SPINK13: variants seen among roughly 807,000 people sequenced by gnomAD.
SPINK13 encodes serine protease inhibitor Kazal-type 13.
SPINK13 carries 11 observed loss-of-function variants against 11.0 expected under a neutral mutation model. That is an observed-to-expected ratio of 1.00 (90% confidence interval 0.63 to 1.65). The LOEUF (loss-of-function observed/expected upper bound fraction) is 1.65. Ranked by LOEUF, SPINK13 falls within the 40% of genes most tolerant of loss-of-function variation. SPINK13 has a pLI of 0.00. For missense variants in SPINK13, 113 were observed against 117.7 expected (o/e 0.96, Z 0.19); for synonymous variants, 31 against 35.6 (o/e 0.87, Z 0.46).
chr5:148,272,389 T>G (rs996405021), intron 2 of SPINK13, among the ~76,000 whole-genome samples: 1 of 152,176 alleles, frequency 6.6e-6, no homozygotes, highest in African/African-American at 2.4e-5. Context: ...ATAAAAAAGT[T>G]TCAGATGATG....
At chr5:148,281,720 G>C (rs1037283275) in intron 3 of SPINK13, among the ~76,000 whole-genome samples, 3 of 152,154 alleles carry the variant, frequency 2.0e-5, no homozygotes, top group Non-Finnish European at 2.9e-5. Context: ...GACCAGAGCT[G>C]TTCCTATTCA....
intron 3 of SPINK13, among the ~76,000 whole-genome samples, chr5:148,280,375 T>C (rs1756494724): frequency 6.6e-6 from 1 of 152,214 alleles, no homozygotes; most frequent in South Asian, 2.1e-4. Context: ...TTCTGAGCTT[T>C]GAAATTTTAA....
At position 148,286,215 on chromosome 5, in the gene SPINK13, T is replaced by A. The variant is rs1313883395; in HGVS notation, c.*167T>A. 1.1e-5 allele frequency: 4 copies of A among 380,444 alleles called. 1 individual carries two copies. The highest frequency in any genetic ancestry group is 1.9e-5 in the Non-Finnish European group (4 of 209,892). The allele number at this position is 380,444 out of a possible 1,614,324, so 23.6% of individuals were successfully genotyped here. A position where few individuals can be genotyped will look rare whatever the true frequency, so the allele number is the denominator to read the frequency against. ...GAATCAAACTGACAAGAACCAAATA[T>A]CACATTTGTTACAAATAAACAACAA... On this transcript the variant is annotated 3_prime_UTR_variant, in exon 5 of 5. Transcript: ENST00000398450.
chr5:148,281,740 C>T (rs1756519520), intron 3 of SPINK13, among the ~76,000 whole-genome samples: 1 of 151,398 alleles, frequency 6.6e-6, no homozygotes, highest in South Asian at 2.1e-4. Flanking sequence ...AGCTATCTTG[C>T]CTGCAGTTTT....
intron 2 of SPINK13, among the ~76,000 whole-genome samples, chr5:148,273,826 C>T (rs1396733756): frequency 6.6e-6 from 1 of 152,100 alleles, no homozygotes; most frequent in South Asian, 2.1e-4. Context: ...AGCTAGTCAC[C>T]CTCTGTCCCA....
At chr5:148,285,897 G>A in intron 4 of SPINK13, 103 bp from the exon 5 acceptor site, 1 of 587,978 alleles carries the variant, frequency 1.7e-6, no homozygotes, top group East Asian at 3.4e-5. Flanking sequence ...TTTAAAAGCA[G>A]CTCCCTTTTC....
At chr5:148,285,874 G>C in intron 4 of SPINK13, 126 bp from the exon 5 acceptor site, 1 of 505,828 alleles carries the variant, frequency 2.0e-6, no homozygotes, top group Non-Finnish European at 3.5e-6. Flanking sequence ...AAAAAAGAAG[G>C]ATGTAAAGGG....
chr5:148,273,298 A>T (rs1288196621), intron 2 of SPINK13, among the ~76,000 whole-genome samples: 4 of 151,952 alleles, frequency 2.6e-5, no homozygotes, highest in African/African-American at 9.7e-5. Context: ...TTAAGTAAAA[A>T]AAAATGCATC....
intron 2 of SPINK13, among the ~76,000 whole-genome samples, chr5:148,271,568 A>T (rs1465802476): frequency 6.6e-6 from 1 of 152,096 alleles, no homozygotes; most frequent in Non-Finnish European, 1.5e-5. Flanking sequence ...ATTTATACAC[A>T]TCATGGAAAA....
intron 2 of SPINK13, 102 bp from the exon 3 acceptor site, chr5:148,274,245 T>C: frequency 1.4e-6 from 1 of 695,444 alleles, no homozygotes; most frequent in Non-Finnish European, 2.4e-6. Context: ...TATATTTTCA[T>C]TATTCAATTT....
chr5:148,270,169 A>G (rs1756330048), intron 2 of SPINK13, 27 bp downstream of exon 2: 2 of 1,601,440 alleles, frequency 1.2e-6, no homozygotes, highest in Non-Finnish European at 1.7e-6. Context: ...GTTTTGGGAG[A>G]TAAACTCTGA....
Position 148,277,979 on chromosome 5 carries a change from ACTT to A in SPINK13, c.108+3600_108+3602del, listed in dbSNP as rs546087654. 7.8e-4 allele frequency among the ~76,000 whole-genome samples: 118 copies of A among 152,202 alleles called. 1 individual carries two copies. The highest frequency in any genetic ancestry group is 2.8e-3 in the African/African-American group (118 of 41,512). On this transcript the variant is annotated intron_variant, in intron 3 of 4. Transcript: ENST00000398450. ...TGTTATTGGTCTATTTAGGGATTCG[ACTT>A]CTTCCTGGTTTAGTCTTGGGAGGAC... is the stretch of plus-strand genomic sequence containing the variant.
chr5:148,280,585 G>A (rs1265747191), intron 3 of SPINK13, among the ~76,000 whole-genome samples: 1 of 152,168 alleles, frequency 6.6e-6, no homozygotes, highest in African/African-American at 2.4e-5. Flanking sequence ...GTCCACTCCA[G>A]CCCCTGTCTG....
rs6887886 is a variant in SPINK13, at chr5:148,274,906, G to A, written c.108+522G>A. On this transcript the variant is annotated intron_variant, in intron 3 of 4. Coordinates refer to ENST00000398450, the MANE Select transcript of SPINK13 (RefSeq NM_001040129.3). ...TATCTTTATAGTCAAATAAGATATT[G>A]AGTAAATATATCTCTGATCATTAAG... Among the ~76,000 whole-genome samples the A allele has an allele frequency of 6.9e-3, 1,055 of 152,230 alleles. 16 individuals are homozygous for A. The highest frequency in any genetic ancestry group is 0.024 in the African/African-American group (983 of 41,528).
chr5:148,284,583 C>T (rs1266900404), intron 4 of SPINK13, among the ~76,000 whole-genome samples: 1 of 151,992 alleles, frequency 6.6e-6, no homozygotes, highest in Non-Finnish European at 1.5e-5. Context: ...TCCATATGAC[C>T]TGAATGTATA....
chr5:148,282,352 T>C (rs1756529246), intron 4 of SPINK13, 121 bp downstream of exon 4: 1 of 1,241,694 alleles, frequency 8.1e-7, no homozygotes, highest in Non-Finnish European at 1.1e-6. Context: ...ATAGCCTCAT[T>C]ATTTACAAAA....
chr5:148,278,499 C>A (rs1315195012), intron 3 of SPINK13, among the ~76,000 whole-genome samples: 1 of 152,092 alleles, frequency 6.6e-6, no homozygotes, highest in Non-Finnish European at 1.5e-5. Flanking sequence ...CAAAGAATAT[C>A]TTTATTTTTG....
chr5:148,278,410 G>A (rs1202184043), intron 3 of SPINK13, among the ~76,000 whole-genome samples: 2 of 152,206 alleles, frequency 1.3e-5, no homozygotes, highest in Non-Finnish European at 2.9e-5. Context: ...GGCATTTAGT[G>A]CTATAAATTT....
At chr5:148,278,963 T>C (rs1756472144) in intron 3 of SPINK13, among the ~76,000 whole-genome samples, 1 of 152,168 alleles carries the variant, frequency 6.6e-6, no homozygotes, top group South Asian at 2.1e-4. Flanking sequence ...TGGGTGCATA[T>C]ATATTTAGGA....
Sources: gnomAD v4.1 joint callset for allele counts (sites outside exome capture counted in the v4.1 genomes callset) on GRCh38, gnomAD v4.1.1 for gene constraint, MANE v1.5 for transcripts, NCBI Gene and HGNC (gene_info 2026-07-23, HGNC 2026-07-21) for gene names.